Variants in FMN2 observed in about 807,000 individuals in gnomAD.
FMN2 encodes formin-2.
Under a neutral mutation model 142.3 loss-of-function variants are expected in FMN2, and 51 were observed. That is an observed-to-expected ratio of 0.36 (90% CI 0.29 to 0.45). FMN2 has a LOEUF of 0.45. FMN2 is among the 20% of genes least tolerant of loss of function. FMN2 has a pLI of 1.00. For missense variants in FMN2, 1,936 were observed against 2,122.8 expected, an observed-to-expected ratio of 0.91 and a Z score of 1.73; for synonymous variants, 882 against 869.8, an observed-to-expected ratio of 1.01 and a Z score of -0.25.
At chr1:240,209,060 G>A (rs1423047369) in intron 5 of FMN2, among the ~76,000 whole-genome samples, 1 of 152,024 alleles carries the variant, frequency 6.6e-6, no homozygotes, top group Non-Finnish European at 1.5e-5. Flanking sequence ...TTGTAAGACT[G>A]CTACTTATTT....
rs138621954 is a variant in FMN2 at position 240,111,340 on chromosome 1, T to C, written c.1616-11839T>C. Among the ~76,000 whole-genome samples the C allele has an allele frequency of 9.3e-4, 141 of 152,228 alleles. 3 individuals are homozygous for C. The East Asian group carries it at 0.02, about 21-fold the overall frequency. On this transcript the variant is annotated intron_variant, in intron 1 of 17. Transcript: ENST00000319653. ...AAGAATTCAGGGCAAGTCCTTAGAG[T>C]AAAGTGAAAGCAACTTTATTAAGAA... is the stretch of plus-strand genomic sequence containing the variant.
At chr1:240,159,182 C>G (rs371508667) in intron 2 of FMN2, among the ~76,000 whole-genome samples, 94 of 151,140 alleles carry the variant, frequency 6.2e-4, no homozygotes, top group African/African-American at 2.2e-3. Context: ...ATAAAGACTG[C>G]CTTTTTCTGT....
At chr1:240,366,285 AT>A (rs756248524) in intron 14 of FMN2, among the ~76,000 whole-genome samples, 50 of 152,156 alleles carry the variant, frequency 3.3e-4, no homozygotes, top group Non-Finnish European at 5.6e-4. Flanking sequence ...ACTATCCTGA[AT>A]TTTCTATTTA....
At chr1:240,423,969 A>G (rs1457968242) in intron 15 of FMN2, among the ~76,000 whole-genome samples, 5 of 152,212 alleles carry the variant, frequency 3.3e-5, no homozygotes, top group Admixed American at 1.3e-4. Flanking sequence ...GAACATAAAA[A>G]CAACTCAGAT....
At chr1:240,446,136 T>G (rs1245229781) in intron 16 of FMN2, among the ~76,000 whole-genome samples, 1 of 152,200 alleles carries the variant, frequency 6.6e-6, no homozygotes, top group Non-Finnish European at 1.5e-5. Flanking sequence ...GATATTTACT[T>G]TGTAAAATTT....
chr1:240,454,251 T>A (rs528594475), intron 16 of FMN2, among the ~76,000 whole-genome samples: 1 of 152,130 alleles, frequency 6.6e-6, no homozygotes, highest in Non-Finnish European at 1.5e-5. Context: ...CATTAAGATA[T>A]GGCTTTGGGG....
intron 14 of FMN2, among the ~76,000 whole-genome samples, chr1:240,384,824 C>G (rs959220810): frequency 2.6e-5 from 4 of 151,838 alleles, no homozygotes; most frequent in Non-Finnish European, 5.9e-5. Flanking sequence ...AATTATAAAC[C>G]CTTTCTTACA....
chr1:240,178,680 T>C (rs918026914), intron 3 of FMN2, among the ~76,000 whole-genome samples: 14 of 152,064 alleles, frequency 9.2e-5, no homozygotes, highest in Admixed American at 7.9e-4. Flanking sequence ...GCAGTTCTCC[T>C]ACCTCGGTCT....
chr1:240,266,559 T>C (rs368308170), intron 7 of FMN2, among the ~76,000 whole-genome samples: 4 of 152,246 alleles, frequency 2.6e-5, no homozygotes, highest in African/African-American at 9.6e-5. Context: ...GTTTTTTGGC[T>C]GTGTAATGTT....
Position 240,144,346 on chromosome 1 carries a change from C to A in FMN2, c.1782+21001C>A, listed in dbSNP as rs1440940207. ...GGTGGGTTTTGTAGATGTCATCAGG[C>A]ACCTTGGGCTCCATGATGTCCAGCT... On this transcript the variant is annotated intron_variant, in intron 2 of 17. Coordinates refer to ENST00000319653, the MANE Select transcript of FMN2 (RefSeq NM_020066.5). 1.1e-5 allele frequency: 18 copies of A among 1,605,860 alleles called. No homozygotes were observed. In the South Asian group the frequency reaches 1.5e-4, roughly 14 times the overall value.
chr1:240,472,274 C>A, intron 16 of FMN2, 98 bp from the exon 17 acceptor site: 2 of 827,764 alleles, frequency 2.4e-6, no homozygotes, highest in Non-Finnish European at 2.0e-6. Context: ...TGCAGTAATT[C>A]AAATCTTTAT....
At chr1:240,342,541 A>G (rs879676474) in intron 13 of FMN2, among the ~76,000 whole-genome samples, 4 of 152,162 alleles carry the variant, frequency 2.6e-5, no homozygotes, top group Non-Finnish European at 5.9e-5. Flanking sequence ...GGTTGTTTCC[A>G]TAATATAGAT....
chr1:240,255,882 A>G (rs750888821), intron 6 of FMN2, among the ~76,000 whole-genome samples: 1 of 152,192 alleles, frequency 6.6e-6, no homozygotes, highest in Non-Finnish European at 1.5e-5. Context: ...TGTGATGAGA[A>G]TAGGTTATAA....
intron 15 of FMN2, among the ~76,000 whole-genome samples, chr1:240,422,101 C>T (rs185483079): frequency 6.6e-6 from 1 of 152,302 alleles, no homozygotes; most frequent in African/African-American, 2.4e-5. Flanking sequence ...TCTACAGTTT[C>T]ATTGATCTGT....
At chr1:240,313,810 A>C (rs1035125486) in intron 8 of FMN2, among the ~76,000 whole-genome samples, 1 of 152,042 alleles carries the variant, frequency 6.6e-6, no homozygotes, top group African/African-American at 2.4e-5. Context: ...TCTACTAGAA[A>C]TACAAATACA....
chr1:240,454,730 G>C (rs912442952), intron 16 of FMN2, among the ~76,000 whole-genome samples: 1 of 152,166 alleles, frequency 6.6e-6, no homozygotes, highest in African/African-American at 2.4e-5. Context: ...AGAGGTTGGA[G>C]TTAGGGATAG....
rs1182033398 is a variant in FMN2 at position 240,091,883 on chromosome 1, G to T, written c.-227G>T. On this transcript the variant is annotated 5_prime_UTR_variant, in exon 1 of 18. Transcript: ENST00000319653. ...GTTCGCGCCCCGCCGGCCCCTAGCCGCAGCCGCAGCCGCAGCGACGGCAGC... is the reference window on the plus strand; with the variant it reads ...GTTCGCGCCCCGCCGGCCCCTAGCCTCAGCCGCAGCCGCAGCGACGGCAGC... 3.5e-5 allele frequency: 23 copies of T among 650,476 alleles called. No homozygotes were observed. The South Asian group carries it at 6.1e-4, about 17-fold the overall frequency. 40.3% of individuals were successfully genotyped at this position (650,476 alleles called of 1,614,324 possible). A position where few individuals can be genotyped will look rare whatever the true frequency, so the allele number is the denominator to read the frequency against.
chr1:240,438,322 C>A, intron 16 of FMN2, 112 bp downstream of exon 16: 4 of 1,177,882 alleles, frequency 3.4e-6, no homozygotes, highest in Non-Finnish European at 4.7e-6. Flanking sequence ...GGCCCTCAAC[C>A]CGGGGTAGCA....
At chr1:240,421,416 A>C (rs1028033422) in intron 15 of FMN2, among the ~76,000 whole-genome samples, 3 of 152,130 alleles carry the variant, frequency 2.0e-5, no homozygotes, top group Admixed American at 6.5e-5. Flanking sequence ...TATTGCCACC[A>C]TTCTACAAAT....
Sources: allele counts gnomAD v4.1 joint callset (sites outside exome capture counted in the v4.1 genomes callset), GRCh38; gene constraint gnomAD v4.1.1; transcripts MANE v1.5; gene names NCBI Gene and HGNC (gene_info 2026-07-23, HGNC 2026-07-21).